Variants in CCR1 observed in about 807,000 individuals in gnomAD.
The protein encoded by CCR1 is C-C motif chemokine receptor 1.
CCR1 carries 1 observed loss-of-function variant against 0.3 expected under a neutral mutation model. The ratio of observed to expected loss-of-function variants is 3.70; its 90% CI spans 1.31 to 17.54. The LOEUF (loss-of-function observed/expected upper bound fraction) is 17.54, where lower values mean the gene tolerates loss of function less well. Ranked by LOEUF, CCR1 falls within the 30% of genes most tolerant of loss-of-function variation. The pLI is 0.11. For missense variants in CCR1, 349 were observed against 435.4 expected, an observed-to-expected ratio of 0.80 and a Z score of 1.77; for synonymous variants, 207 against 182.5, an observed-to-expected ratio of 1.13 and a Z score of -1.08.
intron 1 of CCR1, among the ~76,000 whole-genome samples, chr3:46,205,056 T>A (rs1231562640): frequency 6.6e-6 from 1 of 152,202 alleles, no homozygotes; most frequent in East Asian, 1.9e-4. Flanking sequence ...GGGCATTTGT[T>A]GTTGTTGTCA....
At chr3:46,204,728 T>C (rs1214347325) in intron 1 of CCR1, among the ~76,000 whole-genome samples, 1 of 152,178 alleles carries the variant, frequency 6.6e-6, no homozygotes, top group Non-Finnish European at 1.5e-5. Flanking sequence ...AGGGGTCCCA[T>C]TGTTGTTCTT....
Position 46,205,389 on chromosome 3 carries a change from GT to G in CCR1, c.-11-1066del, listed in dbSNP as rs562058181. On this transcript the variant is annotated intron_variant, in intron 1 of 1. Transcript: ENST00000296140. Reference sequence around the variant, plus strand: ...ATCAGGGGAGGAAGAGTTCAGAATGGTCTGGAGCTATGAGGTGATGTTACAC... The same window carrying G: ...ATCAGGGGAGGAAGAGTTCAGAATGGCTGGAGCTATGAGGTGATGTTACAC... Among the ~76,000 whole-genome samples, 5 of 152,294 alleles carry G rather than the reference GT, an allele frequency of 3.3e-5. No individual in the cohort carries two copies. In the South Asian group the frequency reaches 8.3e-4, roughly 25 times the overall value.
rs915619455 is a variant in CCR1, at chr3:46,203,399, A to G, written c.915T>C (p.Gly305=). The G allele has an allele frequency of 6.2e-7, 1 of 1,614,124 alleles. No individual in the cohort carries two copies. Among genetic ancestry groups the G allele is most frequent in the Non-Finnish European group, 8.5e-7 (1 of 1,180,002 alleles). Residue 305 remains glycine (G), a synonymous_variant, in exon 2 of 2, where the codon GGT becomes GGC. Transcript: ENST00000296140. This position sits in a 1 kb window ranked among gnomAD's most constrained non-coding sequence, Gnocchi z 4.5. ...CVNPVIYAFV[G]ERFRKYLRQL... ...GCCGCAGGTACTTCCGGAACCTCTC[A>G]CCAACGAAGGCGTAGATCACTGGGT...
chr3:46,203,654 T>C lies in CCR1; in HGVS notation c.660A>G (p.Thr220=), dbSNP rs1699619109. Residue 220 remains threonine, a synonymous_variant, in exon 2 of 2, where the codon ACA becomes ACG. Transcript: ENST00000296140. This position sits in a 1 kb window ranked among gnomAD's most constrained non-coding sequence, Gnocchi z 4.5. ...GTCTTAGCAGAATCTTTATAATCCC[T>C]GTGTAGCAGATGATCATGACCAACA... ...LPLLVMIICY[T]GIIKILLRRP... 1 of 1,614,182 alleles carries C rather than the reference T, an allele frequency of 6.2e-7. No individual in the cohort carries two copies. The highest frequency in any genetic ancestry group is 8.5e-7 in the Non-Finnish European group (1 of 1,180,036).
At chr3:46,205,958 C>T (rs866067006) in intron 1 of CCR1, among the ~76,000 whole-genome samples, 3 of 152,276 alleles carry the variant, frequency 2.0e-5, no homozygotes, top group South Asian at 4.1e-4. Context: ...CTCCCACCCC[C>T]CTGCCAAATT....
rs1699610860 is a variant in CCR1, at chr3:46,202,977, C to T, written c.*269G>A. 1 of 402,198 alleles carries T rather than the reference C, an allele frequency of 2.5e-6. No homozygotes were observed. The allele number at this position is 402,198 out of a possible 1,614,324, so 24.9% of individuals were successfully genotyped here. ...ATCTGAAATCTTGCTTGAGTCCAAG[C>T]CCTTCTCTGGTACACTTAGTCCCAG... On this transcript the variant is annotated 3_prime_UTR_variant, in exon 2 of 2. Transcript: ENST00000296140.
chr3:46,202,036 G>T lies in CCR1; in HGVS notation c.*1210C>A, dbSNP rs1170557094. 4 of 152,064 alleles carry T rather than the reference G, an allele frequency of 2.6e-5. No individual in the cohort carries two copies. The highest frequency in any genetic ancestry group is 2.0e-4 in the Admixed American group (3 of 15,258). The allele number at this position is 152,064 out of a possible 1,614,324, so 9.4% of individuals were successfully genotyped here. On this transcript the variant is annotated 3_prime_UTR_variant, in exon 2 of 2. Coordinates refer to ENST00000296140, the MANE Select transcript of CCR1 (RefSeq NM_001295.3). Reference sequence around the variant, plus strand: ...AAGAGAACAAAGGCATGATAAATAAGGGGTCCTTGGTTGGAGATGATGCAT... The same window carrying T: ...AAGAGAACAAAGGCATGATAAATAATGGGTCCTTGGTTGGAGATGATGCAT...
chr3:46,205,743 C>T (rs1699642610), intron 1 of CCR1, among the ~76,000 whole-genome samples: 1 of 152,106 alleles, frequency 6.6e-6, no homozygotes, highest in Non-Finnish European at 1.5e-5. Flanking sequence ...GAGAAAAGTG[C>T]TACCATCACC....
chr3:46,205,942 C>A (rs1413117293), intron 1 of CCR1, among the ~76,000 whole-genome samples: 1 of 152,096 alleles, frequency 6.6e-6, no homozygotes, highest in Non-Finnish European at 1.5e-5. Context: ...GGCTGGTATA[C>A]CCTGTCTCCC....
intron 1 of CCR1, among the ~76,000 whole-genome samples, chr3:46,207,611 G>A (rs1382931222): frequency 6.7e-6 from 1 of 150,112 alleles, no homozygotes; most frequent in Non-Finnish European, 1.5e-5. Flanking sequence ...CATACACCAT[G>A]TTTGGTTTTC....
In CCR1 at chr3:46,203,223, G is replaced by A. The variant is rs769123891; in HGVS notation, c.*23C>T. On this transcript the variant is annotated 3_prime_UTR_variant, in exon 2 of 2. Coordinates refer to ENST00000296140, the MANE Select transcript of CCR1 (RefSeq NM_001295.3). The surrounding 1 kb of genome is among the most constrained non-coding windows in gnomAD (Gnocchi z 4.5). ...CTGGCAGGTCACGCCTGCTTATTTT[G>A]GGTTGGCCTCCTATGGTCTGAGTCA... 4.5e-6 allele frequency: 7 copies of A among 1,565,106 alleles called. No homozygotes were observed. Among genetic ancestry groups the A allele is most frequent in the Non-Finnish European group, 6.1e-6 (7 of 1,142,972 alleles).
Position 46,203,037 on chromosome 3 carries a change from T to C in CCR1, c.*209A>G, listed in dbSNP as rs41453545. ...TATTTGGTTTTGCTCATTCATCTTC[T>C]TTCTACCAGGGGAGAAGTTCATGGA... On this transcript the variant is annotated 3_prime_UTR_variant, in exon 2 of 2. Transcript: ENST00000296140. This position sits in a 1 kb window ranked among gnomAD's most constrained non-coding sequence, Gnocchi z 4.5. The C allele has an allele frequency of 7.9e-4, 419 of 529,014 alleles. 3 individuals carry two copies. Among genetic ancestry groups the C allele is most frequent in the African/African-American group, 7.0e-3 (371 of 52,888 alleles). The allele number at this position is 529,014 out of a possible 1,614,324, so 32.8% of individuals were successfully genotyped here.
At chr3:46,204,382 C>A (rs968481208) in intron 1 of CCR1, 58 bp from the exon 2 acceptor site, 1 of 1,108,702 alleles carries the variant, frequency 9.0e-7, no homozygotes, top group African/African-American at 1.6e-5. Context: ...AGGCAGTGGG[C>A]ACTGGACAGT....
Position 46,203,192 on chromosome 3 carries a change from G to A in CCR1, c.*54C>T, listed in dbSNP as rs199974973. The A allele has an allele frequency of 1.9e-5, 25 of 1,337,136 alleles. No individual in the cohort carries two copies. The highest frequency in any genetic ancestry group is 2.5e-5 in the Non-Finnish European group (24 of 953,640). 82.8% of individuals were successfully genotyped at this position (1,337,136 alleles called of 1,614,324 possible). ...CTGGGAGAGCCAGGCTGCTGGCTCA[G>A]TGTGCCTGGCAGGTCACGCCTGCTT... is the stretch of plus-strand genomic sequence containing the variant. On this transcript the variant is annotated 3_prime_UTR_variant, in exon 2 of 2. Transcript: ENST00000296140. The surrounding 1 kb of genome is among the most constrained non-coding windows in gnomAD (Gnocchi z 4.5).
intron 1 of CCR1, among the ~76,000 whole-genome samples, chr3:46,207,663 T>C (rs932890872): frequency 1.3e-4 from 18 of 141,172 alleles, no homozygotes; most frequent in East Asian, 8.6e-4. Flanking sequence ...TTTTTTTTTT[T>C]CAGACAGACT....
intron 1 of CCR1, among the ~76,000 whole-genome samples, chr3:46,206,393 T>C (rs1219302879): frequency 6.6e-6 from 1 of 152,186 alleles, no homozygotes; most frequent in Non-Finnish European, 1.5e-5. Context: ...AGAGTCAGGC[T>C]AACGGTCACT....
In CCR1 at chr3:46,207,414, G is replaced by GC. The variant is rs1303826829; in HGVS notation, c.-12+867dup. On this transcript the variant is annotated intron_variant, in intron 1 of 1. Coordinates refer to ENST00000296140, the MANE Select transcript of CCR1 (RefSeq NM_001295.3). Reference sequence around the variant, plus strand: ...TCTTTGTTAGTAGAGCAGAACAGATGCCCCCCAAGATCACCTGGCCAGCTC... The same window carrying GC: ...TCTTTGTTAGTAGAGCAGAACAGATGCCCCCCCAAGATCACCTGGCCAGCTC... Among the ~76,000 whole-genome samples, 4 of 151,960 alleles carry GC rather than the reference G, an allele frequency of 2.6e-5. No homozygotes were observed. The South Asian group carries it at 6.2e-4, about 24-fold the overall frequency.
Position 46,204,249 on chromosome 3 carries a change from G to GAACC in CCR1, c.64_65insGGTT (p.Thr22ArgfsTer60). On this transcript the variant is annotated frameshift_variant, in exon 2 of 2. Coordinates refer to ENST00000296140, the MANE Select transcript of CCR1 (RefSeq NM_001295.3). LOFTEE classifies it low-confidence loss of function (END_TRUNC). Reference sequence around the variant, plus strand: ...CCTCTCGTTCACCTTCTGGCACGGAGTTGCATCCCCATAGTCAAACTCTGT... The same window carrying GAACC: ...CCTCTCGTTCACCTTCTGGCACGGAGAACCTTGCATCCCCATAGTCAAACTCTGT... 6.2e-7 allele frequency: 1 copy of GAACC among 1,613,666 alleles called. No individual in the cohort carries two copies. Among genetic ancestry groups the GAACC allele is most frequent in the Non-Finnish European group, 8.5e-7 (1 of 1,179,852 alleles).
intron 1 of CCR1, 125 bp from the exon 2 acceptor site, chr3:46,204,449 C>T: frequency 1.6e-6 from 1 of 614,998 alleles, no homozygotes; most frequent in South Asian, 2.3e-5. Flanking sequence ...TATTGAGTGC[C>T]TTCTGTGTAC....
Sources: gnomAD v4.1 joint callset for allele counts (sites outside exome capture counted in the v4.1 genomes callset) on GRCh38, gnomAD v4.1.1 for gene constraint, Gnocchi (gnomAD v3.1) non-coding constraint, MANE v1.5 for transcripts, NCBI Gene and HGNC (gene_info 2026-07-23, HGNC 2026-07-21) for gene names.